CAPN9: variants seen among roughly 807,000 people sequenced by gnomAD.
The protein encoded by CAPN9 is calpain 9.
Under a neutral mutation model 92.8 loss-of-function variants are expected in CAPN9, and 81 were observed. The ratio of observed to expected loss-of-function variants is 0.87; its 90% confidence interval spans 0.73 to 1.05. CAPN9 has a LOEUF of 1.05. Among genes scored for constraint, CAPN9 ranks in the 50% least tolerant of loss-of-function variants. The pLI, the probability that CAPN9 is intolerant of heterozygous loss-of-function variation, is 0.00. For missense variants in CAPN9, 848 were observed against 866.2 expected (o/e 0.98, Z 0.26); for synonymous variants, 304 against 328.0 (o/e 0.93, Z 0.79).
chr1:230,795,342 C>T (rs1179753253), intron 18 of CAPN9, 63 bp downstream of exon 18: 13 of 962,362 alleles, frequency 1.4e-5, no homozygotes, highest in East Asian at 1.2e-4. Flanking sequence ...CCTCCATGAG[C>T]GCATGAGAAA....
rs201994230 is a variant in CAPN9 at position 230,780,304 on chromosome 1, A to G, written c.1240A>G (p.Asn414Asp). ...DRRKLKRFGA[N>D]VLTIGYAIYE... ...AAGGAAACTCAAGAGATTTGGTGCC[A>G]ATGTGCTGACAATCGGCTATGCCAT... is the stretch of plus-strand genomic sequence containing the variant. The change falls in exon 10 of 20, where the codon AAT becomes GAT. Residue 414 changes from asparagine (N) to aspartate (D), a missense_variant. Physicochemically the swap from Asn to Asp is conservative, Grantham distance 23. Transcript: ENST00000271971. The G allele has an allele frequency of 6.2e-6, 10 of 1,614,174 alleles. No homozygotes were observed. The African/African-American group carries it at 1.3e-4, about 22-fold the overall frequency.
chr1:230,792,745 G>A, intron 16 of CAPN9, 105 bp from the exon 17 acceptor site: 3 of 958,532 alleles, frequency 3.1e-6, no homozygotes, highest in Non-Finnish European at 4.9e-6. Flanking sequence ...GGCCTCTGCG[G>A]CCCCTAGAGG....
intron 14 of CAPN9, 79 bp downstream of exon 14, chr1:230,790,268 C>T: frequency 6.4e-7 from 1 of 1,558,914 alleles, no homozygotes; most frequent in South Asian, 1.2e-5. Flanking sequence ...CCTCCCTGCT[C>T]CTCCGAGCCG....
chr1:230,753,523 T>C (rs922134838), intron 1 of CAPN9, among the ~76,000 whole-genome samples: 1 of 152,162 alleles, frequency 6.6e-6, no homozygotes, highest in Non-Finnish European at 1.5e-5. Context: ...CTGCCTTTGA[T>C]TCTTTGGGAC....
In CAPN9 at chr1:230,769,173, GTT is replaced by G. The variant is rs1176507482; in HGVS notation, c.706-4_706-3del. On this transcript the variant is annotated splice_polypyrimidine_tract_variant and splice_region_variant and intron_variant, in intron 5 of 19. Transcript: ENST00000271971. ...GTGGGTGTGACTCTGCTCTTTCCATGTTTTAGACCAGAAGTGCTGCAGAATCT... is the reference window on the plus strand; with the variant it reads ...GTGGGTGTGACTCTGCTCTTTCCATGTTAGACCAGAAGTGCTGCAGAATCT... The G allele has an allele frequency of 6.2e-7, 1 of 1,612,314 alleles. No homozygotes were observed. The highest frequency in any genetic ancestry group is 8.5e-7 in the Non-Finnish European group (1 of 1,178,560).
chr1:230,753,942 T>A (rs1665036998), intron 1 of CAPN9, among the ~76,000 whole-genome samples: 1 of 145,444 alleles, frequency 6.9e-6, no homozygotes, highest in South Asian at 2.3e-4. Context: ...CCTTGCCCCA[T>A]CCCACCCCTT....
At chr1:230,794,550 AG>A (rs1288095168) in intron 17 of CAPN9, among the ~76,000 whole-genome samples, 1 of 152,228 alleles carries the variant, frequency 6.6e-6, no homozygotes, top group African/African-American at 2.4e-5. Context: ...TTTGACAATG[AG>A]GAAACCAAAG....
rs1668734049 is a variant in CAPN9, at chr1:230,801,651, A to G, written c.*55A>G. Reference sequence around the variant, plus strand: ...GCTGAATCTTGGCTTCTGGACCTTGACCTTCAGAACTTCTCTTGGTGTGGA... The same window carrying G: ...GCTGAATCTTGGCTTCTGGACCTTGGCCTTCAGAACTTCTCTTGGTGTGGA... On this transcript the variant is annotated 3_prime_UTR_variant, in exon 20 of 20. Transcript: ENST00000271971. 2 of 1,516,696 alleles carry G rather than the reference A, an allele frequency of 1.3e-6. No individual in the cohort carries two copies. Among genetic ancestry groups the G allele is most frequent in the Middle Eastern group, 1.7e-4 (1 of 5,894 alleles). The allele number at this position is 1,516,696 out of a possible 1,614,324, so 94.0% of individuals were successfully genotyped here.
rs3828126 is a variant in CAPN9 at position 230,767,604 on chromosome 1, T to G, written c.600T>G (p.Thr200=). The change falls in exon 5 of 20, where the codon ACT becomes ACG. Residue 200 remains threonine (T), a synonymous_variant. Coordinates refer to ENST00000271971, the MANE Select transcript of CAPN9 (RefSeq NM_006615.3). The stretch of plus-strand genomic sequence containing the variant: ...CCATCGAGGCCATGGAAGACTTCAC[T>G]GGGGGTGTGGCAGAGACCTTCCAAA... ...GSAIEAMEDF[T]GGVAETFQTK... 31 of 1,613,442 alleles carry G rather than the reference T, an allele frequency of 1.9e-5. No individual in the cohort carries two copies. Among genetic ancestry groups the G allele is most frequent in the Middle Eastern group, 3.3e-4 (2 of 6,082 alleles).
At chr1:230,766,730 C>T (rs965756520) in intron 4 of CAPN9, among the ~76,000 whole-genome samples, 1 of 152,128 alleles carries the variant, frequency 6.6e-6, no homozygotes, top group Non-Finnish European at 1.5e-5. Context: ...GGGCAATTTA[C>T]AAAAGAAAGA....
At chr1:230,759,704 C>G (rs937774130) in intron 3 of CAPN9, 74 bp downstream of exon 3, 1 of 901,970 alleles carries the variant, frequency 1.1e-6, no homozygotes, top group African/African-American at 1.7e-5. Flanking sequence ...TTCCACACTG[C>G]CTGGTAACCC....
chr1:230,780,443 T>C (rs1667139654), intron 10 of CAPN9, 57 bp from the exon 11 acceptor site: 2 of 1,604,362 alleles, frequency 1.2e-6, no homozygotes, highest in Non-Finnish European at 1.7e-6. Flanking sequence ...ATGAATTGTG[T>C]CCGAAAAGCC....
chr1:230,759,379 T>C, intron 2 of CAPN9, 133 bp from the exon 3 acceptor site: 1 of 638,724 alleles, frequency 1.6e-6, no homozygotes. Flanking sequence ...TTTGTTGGTG[T>C]CCTGTCTGTT....
At chr1:230,762,897 T>C in intron 4 of CAPN9, 111 bp downstream of exon 4, 1 of 1,211,296 alleles carries the variant, frequency 8.3e-7, no homozygotes, top group South Asian at 1.6e-5. Flanking sequence ...GGTTTGCAGG[T>C]GAGGCTCGGC....
intron 12 of CAPN9, among the ~76,000 whole-genome samples, chr1:230,787,264 G>A (rs905226251): frequency 5.3e-5 from 8 of 152,268 alleles, no homozygotes; most frequent in Admixed American, 1.3e-4. Context: ...ACTTAGGCAC[G>A]GGTCAAGGTC....
At chr1:230,769,913 T>A (rs1441304882) in intron 6 of CAPN9, among the ~76,000 whole-genome samples, 3 of 152,196 alleles carry the variant, frequency 2.0e-5, no homozygotes, top group African/African-American at 4.8e-5. Flanking sequence ...TTTCTCTGGC[T>A]TATTTATTGT....
chr1:230,779,109 G>A lies in CAPN9; in HGVS notation c.1090G>A (p.Ala364Thr), dbSNP rs745399830. Residue 364 changes from alanine to threonine, a missense_variant, in exon 9 of 20, where the codon GCT becomes ACT. Ala to Thr is a moderately conservative substitution (Grantham distance 58). Coordinates refer to ENST00000271971, the MANE Select transcript of CAPN9 (RefSeq NM_006615.3). Reference protein sequence around the residue: ...HQGSWVRGSTAGGCRNFLDTF... With the variant: ...HQGSWVRGSTTGGCRNFLDTF... ...GGGAAGCTGGGTTCGCGGCTCCACG[G>A]CTGGGGGCTGCCGCAATTTCCTGGG... 8 of 1,612,514 alleles carry A rather than the reference G, an allele frequency of 5.0e-6. No homozygotes were observed. The highest frequency in any genetic ancestry group is 6.8e-6 in the Non-Finnish European group (8 of 1,179,890).
chr1:230,786,903 T>A (rs1667630484), intron 12 of CAPN9, among the ~76,000 whole-genome samples: 1 of 151,694 alleles, frequency 6.6e-6, no homozygotes, highest in South Asian at 2.1e-4. Flanking sequence ...GGCTTTACCC[T>A]CGTCCAAGGG....
In CAPN9 at chr1:230,769,172, T is replaced by G; in HGVS notation, c.706-8T>G. 6.2e-7 allele frequency: 1 copy of G among 1,612,160 alleles called. No individual in the cohort carries two copies. Among genetic ancestry groups the G allele is most frequent in the South Asian group, 1.1e-5 (1 of 91,016 alleles). ...GGTGGGTGTGACTCTGCTCTTTCCA[T>G]GTTTTAGACCAGAAGTGCTGCAGAA... is the stretch of plus-strand genomic sequence containing the variant. On this transcript the variant is annotated splice_polypyrimidine_tract_variant and splice_region_variant and intron_variant, in intron 5 of 19. Transcript: ENST00000271971.
Sources: allele counts gnomAD v4.1 joint callset (sites outside exome capture counted in the v4.1 genomes callset), GRCh38; gene constraint gnomAD v4.1.1; transcripts MANE v1.5; gene names NCBI Gene and HGNC (gene_info 2026-07-23, HGNC 2026-07-21).